The following RSPH14 variants were observed in gnomAD, a reference collection of about 807,000 sequenced individuals.
RSPH14 encodes rhabdoid tumor deletion region gene 1.
In RSPH14, 20 loss-of-function variants were observed where a neutral mutation model predicts 26.7. The observed-to-expected ratio is 0.75, with a 90% CI of 0.53 to 1.09. RSPH14 has a LOEUF of 1.09. Ranked by LOEUF, RSPH14 falls within the 50% of genes least tolerant of loss-of-function variation. The pLI, the probability that RSPH14 is intolerant of heterozygous loss-of-function variation, is 0.00. For missense variants in RSPH14, 449 were observed against 457.2 expected (o/e 0.98, Z 0.16); for synonymous variants, 177 against 189.3 (o/e 0.93, Z 0.53).
intron 6 of RSPH14, among the ~76,000 whole-genome samples, chr22:23,059,938 G>A (rs2068057009): frequency 6.6e-6 from 1 of 152,202 alleles, no homozygotes; most frequent in Non-Finnish European, 1.5e-5. Context: ...GGCCTCAACT[G>A]GCTCCTCTCC....
chr22:23,145,442 C>T (rs537591770), upstream of RSPH14: 4 of 1,610,820 alleles, frequency 2.5e-6, no homozygotes, highest in African/African-American at 1.3e-5. Context: ...ACGACGTCGA[C>T]GATTCGTGTA....
rs193244257 is a variant in RSPH14 at position 23,068,108 on chromosome 22, C to G, written c.422-3975G>C. The stretch of plus-strand genomic sequence containing the variant: ...CCCCAAGCTGGCATCTGTGCATGGG[C>G]AACGACCCTGGCCCCAGCCACACTG... On this transcript the variant is annotated intron_variant, in intron 4 of 6. Coordinates refer to ENST00000216036, the MANE Select transcript of RSPH14 (RefSeq NM_014433.3). Among the ~76,000 whole-genome samples the G allele has an allele frequency of 1.1e-3, 168 of 152,364 alleles. 1 individual carries two copies. The East Asian group carries it at 0.026, about 24-fold the overall frequency.
At chr22:23,149,200 G>C (rs1446953057), upstream of RSPH14, among the ~76,000 whole-genome samples, 1 of 48,824 alleles carries the variant, frequency 2.0e-5, no homozygotes, top group Non-Finnish European at 3.8e-5. Context: ...GTGCAGGGGT[G>C]GGGGGCGGGG....
chr22:23,146,894 G>A (rs1308874565), upstream of RSPH14, among the ~76,000 whole-genome samples: 1 of 152,214 alleles, frequency 6.6e-6, no homozygotes, highest in South Asian at 2.1e-4. Flanking sequence ...GTGGCCTGGA[G>A]GTTATAAGGG....
chr22:23,155,218 C>T, the RSPH14 span, among the ~76,000 whole-genome samples: 1 of 152,174 alleles, frequency 6.6e-6, no homozygotes, highest in Non-Finnish European at 1.5e-5. Context: ...GATCAGTTGA[C>T]CTCAAAAAGC....
intron 4 of RSPH14, among the ~76,000 whole-genome samples, chr22:23,087,140 C>T (rs919251195): frequency 2.0e-4 from 30 of 152,102 alleles, no homozygotes; most frequent in Admixed American, 5.2e-4. Context: ...GTAGGGACGG[C>T]GGCTCCAGAG....
At chr22:23,147,900 G>C (rs1362998959), upstream of RSPH14, among the ~76,000 whole-genome samples, 2 of 152,172 alleles carry the variant, frequency 1.3e-5, no homozygotes, top group African/African-American at 4.8e-5. Context: ...GCAGTAGAGT[G>C]TGTGCAGCAC....
intron 4 of RSPH14, among the ~76,000 whole-genome samples, chr22:23,101,518 T>TG (rs2069303310): frequency 6.6e-6 from 1 of 152,178 alleles, no homozygotes; most frequent in Non-Finnish European, 1.5e-5. Context: ...GCCTAGTCAG[T>TG]GGCAGGACCA....
At chr22:23,110,362 C>T (rs946465617) in intron 4 of RSPH14, among the ~76,000 whole-genome samples, 1 of 152,160 alleles carries the variant, frequency 6.6e-6, no homozygotes, top group Non-Finnish European at 1.5e-5. Flanking sequence ...TCCAGACTGA[C>T]GAGGCCACAG....
chr22:23,095,705 C>T (rs189374840), intron 4 of RSPH14: 2 of 1,605,344 alleles, frequency 1.2e-6, no homozygotes, highest in African/African-American at 1.3e-5. Flanking sequence ...CATGGGATGT[C>T]GGCAAAGCTC....
intron 4 of RSPH14, chr22:23,095,746 G>A (rs754642716): frequency 7.3e-5 from 117 of 1,612,598 alleles, no homozygotes; most frequent in Non-Finnish European, 2.5e-6. Context: ...GGCGGTCCCG[G>A]AGAATTGACC....
chr22:23,150,033 T>A, the RSPH14 span: 37 of 1,545,064 alleles, frequency 2.4e-5, no homozygotes, highest in Non-Finnish European at 3.3e-5. Flanking sequence ...CTTTGCAGGA[T>A]GATGTGTCCG....
chr22:23,135,085 C>T (rs374295543), intron 3 of RSPH14, among the ~76,000 whole-genome samples: 61 of 152,044 alleles, frequency 4.0e-4, no homozygotes, highest in Non-Finnish European at 7.5e-4. Flanking sequence ...GTGGGAGGAT[C>T]GTTTGAGCCT....
the RSPH14 span, among the ~76,000 whole-genome samples, chr22:23,173,915 G>C: frequency 1.3e-5 from 2 of 151,844 alleles, no homozygotes; most frequent in South Asian, 2.1e-4. Context: ...TCGCCATGTT[G>C]GTCAGGCTGG....
At chr22:23,153,181 A>C in the RSPH14 span, 1 of 1,426,268 alleles carries the variant, frequency 7.0e-7, no homozygotes, top group Non-Finnish European at 9.9e-7. Flanking sequence ...TCCTACAGGC[A>C]CCTGAGAAAG....
upstream of RSPH14, chr22:23,145,243 C>G: frequency 1.5e-5 from 12 of 817,366 alleles, no homozygotes; most frequent in South Asian, 3.2e-5. Flanking sequence ...GCCTCCATAG[C>G]CCCGCCCACC....
chr22:23,152,646 T>G, the RSPH14 span: 372,952 of 957,338 alleles, frequency 0.39, 78,262 homozygotes, highest in African/African-American at 0.69. Flanking sequence ...GGAACTGCTG[T>G]GCCTCAGCCT....
intron 4 of RSPH14, among the ~76,000 whole-genome samples, chr22:23,110,549 C>T (rs376649897): frequency 2.0e-5 from 3 of 152,218 alleles, no homozygotes; most frequent in South Asian, 2.1e-4. Flanking sequence ...AGGGTACCCT[C>T]GCTACCAGAG....
intron 4 of RSPH14, among the ~76,000 whole-genome samples, chr22:23,113,722 C>T (rs1055581160): frequency 3.9e-5 from 6 of 152,226 alleles, no homozygotes; most frequent in South Asian, 4.1e-4. Context: ...GGGGCCCACT[C>T]GCCCTCTCCC....
Sources: gnomAD v4.1 joint callset for allele counts (sites outside exome capture counted in the v4.1 genomes callset) on GRCh38, gnomAD v4.1.1 for gene constraint, MANE v1.5 for transcripts, NCBI Gene and HGNC (gene_info 2026-07-23, HGNC 2026-07-21) for gene names.